Variants in ADGRE2 observed in about 807,000 individuals in gnomAD.
ADGRE2 encodes the protein adhesion G protein-coupled receptor E2.
In ADGRE2, 83 loss-of-function variants were observed where a neutral mutation model predicts 100.8. That is an observed-to-expected ratio of 0.82 (90% confidence interval 0.69 to 0.99). The LOEUF (loss-of-function observed/expected upper bound fraction) is 0.99. Ranked by LOEUF, ADGRE2 falls within the 50% of genes least tolerant of loss-of-function variation. ADGRE2 has a pLI of 0.00. For missense variants in ADGRE2, 814 were observed against 1,035.7 expected (o/e 0.79, Z 2.94); for synonymous variants, 355 against 413.0 (o/e 0.86, Z 1.70).
At chr19:14,738,181 C>T (rs1405185660) in intron 20 of ADGRE2, among the ~76,000 whole-genome samples, 2 of 151,950 alleles carry the variant, frequency 1.3e-5, no homozygotes, top group African/African-American at 4.8e-5. Context: ...AAACTATGTA[C>T]GTCTATTATG....
chr19:14,736,697 G>T (rs1454932321), intron 20 of ADGRE2, among the ~76,000 whole-genome samples: 42 of 140,228 alleles, frequency 3.0e-4, no homozygotes, highest in East Asian at 2.0e-3. Flanking sequence ...TAGATATTTA[G>T]AAATATATAG....
chr19:14,746,370 T>C (rs774664079), intron 17 of ADGRE2, 47 bp from the exon 18 acceptor site: 1 of 1,032,036 alleles, frequency 9.7e-7, no homozygotes, highest in South Asian at 1.4e-5. Flanking sequence ...TGAAACCTGT[T>C]ATCTCTTTTT....
At chr19:14,761,450 G>A (rs2043720191) in intron 11 of ADGRE2, among the ~76,000 whole-genome samples, 1 of 151,772 alleles carries the variant, frequency 6.6e-6, no homozygotes. Flanking sequence ...GCTGTACCAC[G>A]ACTACCTTGT....
Position 14,765,967 on chromosome 19 carries a change from C to T in ADGRE2, c.635-163G>A, listed in dbSNP as rs543767781. On this transcript the variant is annotated intron_variant, in intron 7 of 20. Coordinates refer to ENST00000315576, the MANE Select transcript of ADGRE2 (RefSeq NM_013447.4). ...AGGCCTGGGCACAGCAGGTGGGCCC[C>T]GTGCAGATGAGCAGGTTATGAATAT... 2.5e-4 allele frequency: 188 copies of T among 742,584 alleles called. No individual in the cohort carries two copies. In the African/African-American group the frequency reaches 2.8e-3, roughly 11 times the overall value. The allele number at this position is 742,584 out of a possible 1,614,324, so 46.0% of individuals were successfully genotyped here.
intron 11 of ADGRE2, among the ~76,000 whole-genome samples, chr19:14,762,464 C>T (rs909758936): frequency 3.3e-5 from 5 of 151,876 alleles, no homozygotes; most frequent in South Asian, 2.1e-4. Context: ...AGCAGATTAG[C>T]GGCTGCCATG....
rs751580840 is a variant in ADGRE2 at position 14,765,395 on chromosome 19, C to T, written c.831G>A (p.Thr277=). The T allele has an allele frequency of 1.7e-5, 28 of 1,614,038 alleles. No homozygotes were observed. Among genetic ancestry groups the T allele is most frequent in the South Asian group, 2.2e-5 (2 of 91,094 alleles). Residue 277 remains threonine, a splice_region_variant and synonymous_variant, in exon 10 of 21, where the codon ACG becomes ACA. Transcript: ENST00000315576. ...GGACTTTGTCGAAGAATCGGGAAAGCGTCTGCAGAGAGAGGAGATGTGGGG... is the reference window on the plus strand; with the variant it reads ...GGACTTTGTCGAAGAATCGGGAAAGTGTCTGCAGAGAGAGGAGATGTGGGG... ...WTPPPGVHSQ[T]LSRFFDKVQD... is the part of the protein sequence containing the mutation.
rs777402369 is a variant in ADGRE2, at chr19:14,776,770, C to T, written c.-14G>A. On this transcript the variant is annotated 5_prime_UTR_variant, in exon 2 of 21. Transcript: ENST00000315576. ...GCGGCCTCCCATGGTTCCAGCTGAG[C>T]TGCCGGCAGGAGCAGCAGGGGAAAG... The T allele has an allele frequency of 1.2e-5, 19 of 1,613,146 alleles. No homozygotes were observed. Among genetic ancestry groups the T allele is most frequent in the Admixed American group, 1.7e-5 (1 of 59,916 alleles).
At chr19:14,738,519 A>G (rs925377436) in intron 20 of ADGRE2, among the ~76,000 whole-genome samples, 1 of 152,042 alleles carries the variant, frequency 6.6e-6, no homozygotes, top group Admixed American at 6.6e-5. Context: ...CTGGGACTAC[A>G]GGCATGCACC....
At position 14,765,387 on chromosome 19, in the gene ADGRE2, C is replaced by T. The variant is rs148675610; in HGVS notation, c.839G>A (p.Arg280Gln). The part of the protein sequence containing the change: ...PPGVHSQTLS[R>Q]FFDKVQDLGR... ...CAGGTCCTGGACTTTGTCGAAGAAT[C>T]GGGAAAGCGTCTGCAGAGAGAGGAG... Residue 280 changes from arginine (R) to glutamine (Q), a missense_variant, in exon 10 of 21, where the codon CGA (arginine) becomes CAA (glutamine). Arg to Gln is a conservative substitution (Grantham distance 43). Coordinates refer to ENST00000315576, the MANE Select transcript of ADGRE2 (RefSeq NM_013447.4). 117 of 1,613,970 alleles carry T rather than the reference C, an allele frequency of 7.2e-5. No homozygotes were observed. The highest frequency in any genetic ancestry group is 1.2e-4 in the South Asian group (11 of 91,076).
chr19:14,776,973 G>A (rs1361900340), intron 1 of ADGRE2, 46 bp from the exon 2 acceptor site: 7 of 763,318 alleles, frequency 9.2e-6, no homozygotes, highest in Non-Finnish European at 1.2e-5. Flanking sequence ...AACCAGGGGC[G>A]CTGCACACAC....
At chr19:14,759,660 C>T (rs949144334) in intron 11 of ADGRE2, among the ~76,000 whole-genome samples, 1 of 151,358 alleles carries the variant, frequency 6.6e-6, no homozygotes, top group Non-Finnish European at 1.5e-5. Context: ...CTAAGCCCAG[C>T]TAATTTTTGT....
At chr19:14,769,890 G>A (rs920358455) in intron 5 of ADGRE2, among the ~76,000 whole-genome samples, 3 of 152,018 alleles carry the variant, frequency 2.0e-5, no homozygotes, top group African/African-American at 2.4e-5. Context: ...AGTAGAGACG[G>A]GGTTTCACCA....
At chr19:14,770,231 C>T (rs548090906) in intron 5 of ADGRE2, among the ~76,000 whole-genome samples, 1 of 152,086 alleles carries the variant, frequency 6.6e-6, no homozygotes, top group East Asian at 1.9e-4. Flanking sequence ...TGTTAGTTCC[C>T]ATGAAAACTG....
chr19:14,735,178 C>G lies in ADGRE2; in HGVS notation c.*1058G>C, dbSNP rs1381342204. ...GCTTTTCATTAAATGGAAAACCTTA[C>G]TGAGGACTTCCTACCCTTGCTATTT... is the stretch of plus-strand genomic sequence containing the variant. On this transcript the variant is annotated 3_prime_UTR_variant, in exon 21 of 21. Coordinates refer to ENST00000315576, the MANE Select transcript of ADGRE2 (RefSeq NM_013447.4). The G allele has an allele frequency of 6.6e-6, 1 of 152,186 alleles. No homozygotes were observed. The highest frequency in any genetic ancestry group is 1.5e-5 in the Non-Finnish European group (1 of 68,034). The allele number at this position is 152,186 out of a possible 1,614,324, so 9.4% of individuals were successfully genotyped here.
At chr19:14,764,279 G>A (rs2043865188) in intron 11 of ADGRE2, among the ~76,000 whole-genome samples, 154 bp downstream of exon 11, 2 of 151,764 alleles carry the variant, frequency 1.3e-5, no homozygotes, top group South Asian at 4.2e-4. Flanking sequence ...ATCTTGTCCA[G>A]ACTGGTATGT....
At chr19:14,747,882 T>C (rs1213470881) in intron 16 of ADGRE2, among the ~76,000 whole-genome samples, 1 of 152,198 alleles carries the variant, frequency 6.6e-6, no homozygotes, top group Non-Finnish European at 1.5e-5. Context: ...TGTGGATATA[T>C]TACGTTTTGT....
chr19:14,746,979 T>TA lies in ADGRE2; in HGVS notation c.2025-18dup, dbSNP rs34186967. On this transcript the variant is annotated splice_polypyrimidine_tract_variant and intron_variant, in intron 16 of 20. Coordinates refer to ENST00000315576, the MANE Select transcript of ADGRE2 (RefSeq NM_013447.4). The stretch of plus-strand genomic sequence containing the variant: ...AGCCAGCAGCTGAAAAAAGAGAGAT[T>TA]AAAAAAAATGCATCAGTTTTTGGAG... The TA allele has an allele frequency of 0.35, 559,301 of 1,586,172 alleles. 98,903 individuals are homozygous for TA. Among genetic ancestry groups the TA allele is most frequent in the Non-Finnish European group, 0.38 (435,114 of 1,158,904 alleles).
intron 16 of ADGRE2, 117 bp downstream of exon 16, chr19:14,751,319 G>A (rs1478223615): frequency 5.7e-6 from 4 of 699,532 alleles, no homozygotes; most frequent in African/African-American, 5.3e-5. Flanking sequence ...CCAACCAATA[G>A]AGCCTAAAAT....
intron 5 of ADGRE2, among the ~76,000 whole-genome samples, chr19:14,769,573 T>G (rs1251724436): frequency 2.0e-5 from 3 of 152,302 alleles, no homozygotes; most frequent in Admixed American, 1.3e-4. Context: ...GGCTGTTCTG[T>G]GCGGATGGGG....
Sources: allele counts gnomAD v4.1 joint callset (sites outside exome capture counted in the v4.1 genomes callset), GRCh38; gene constraint gnomAD v4.1.1; transcripts MANE v1.5; gene names NCBI Gene and HGNC (gene_info 2026-07-23, HGNC 2026-07-21).